Variants in EIF3B observed in about 807,000 individuals in gnomAD.
The protein encoded by EIF3B is eukaryotic translation initiation factor 3 subunit 9.
A neutral mutation model predicts 104.6 loss-of-function variants in EIF3B; 10 were observed. That is an observed-to-expected ratio of 0.10 (90% CI 0.06 to 0.16). EIF3B has a LOEUF of 0.16. Among genes scored for constraint, EIF3B ranks in the 10% least tolerant of loss-of-function variants. The pLI, the probability that EIF3B is intolerant of heterozygous loss-of-function variation, is 1.00. For missense variants in EIF3B, 1,014 were observed against 1,087.9 expected (o/e 0.93, Z 0.96); for synonymous variants, 542 against 417.2 (o/e 1.30, Z -3.65).
chr7:2,363,084 G>T lies in EIF3B; in HGVS notation c.827G>T (p.Ser276Ile), dbSNP rs151282164. 16 of 1,614,122 alleles carry T rather than the reference G, an allele frequency of 9.9e-6. No individual in the cohort carries two copies. In the East Asian group the frequency reaches 2.0e-4, roughly 20 times the overall value. Residue 276 changes from serine (S) to isoleucine (I), a missense_variant, in exon 4 of 19, where the codon AGT (serine) becomes ATT (isoleucine). Coordinates refer to ENST00000360876, the MANE Select transcript of EIF3B (RefSeq NM_001037283.2). ...FTDFDKYMTI[S>I]DEWDIPEKQP... The stretch of plus-strand genomic sequence containing the variant: ...TTCTTCTCCAGGTATATGACGATCA[G>T]TGACGAGTGGGATATTCCAGAGAAA...
chr7:2,376,407 A>T (rs369427948), intron 14 of EIF3B: 1 of 152,124 alleles, frequency 6.6e-6, no homozygotes, highest in East Asian at 1.9e-4. Flanking sequence ...AGCTTCCAAA[A>T]TGCCGGCCTG....
At chr7:2,379,720 C>G (rs528241828) in intron 18 of EIF3B, 1 of 547,606 alleles carries the variant, frequency 1.8e-6, no homozygotes, top group Non-Finnish European at 3.3e-6. Flanking sequence ...TTGCAGATGG[C>G]GCCTTTCAGG....
At chr7:2,357,767 G>C (rs1194081929) in intron 1 of EIF3B, among the ~76,000 whole-genome samples, 1 of 152,136 alleles carries the variant, frequency 6.6e-6, no homozygotes, top group African/African-American at 2.4e-5. Context: ...GTGTCTTCAT[G>C]GTGTAGTTAC....
chr7:2,370,211 C>T lies in EIF3B; in HGVS notation c.1614+529C>T, dbSNP rs941677017. On this transcript the variant is annotated intron_variant, in intron 10 of 18. Coordinates refer to ENST00000360876, the MANE Select transcript of EIF3B (RefSeq NM_001037283.2). ...GCCTGAGTTGGCTGGGTGTAGTGGC[C>T]CATGCCTGTAATCCCAGCACTTTGG... Among the ~76,000 whole-genome samples the T allele has an allele frequency of 4.0e-5, 6 of 151,548 alleles. No homozygotes were observed. In the South Asian group the frequency reaches 6.2e-4, roughly 16 times the overall value.
At position 2,363,718 on chromosome 7, in the gene EIF3B, C is replaced by T; in HGVS notation, c.957C>T (p.Phe319=). ...IFESGDRTSI[F]WNDVKDPVSI... is the part of the protein sequence containing the mutation. ...AGAGTGGAGACCGCACTTCCATATT[C>T]TGGAATGACGTAAAAGACCCTGTCT... Residue 319 remains phenylalanine (F), a synonymous_variant, in exon 5 of 19, where the codon TTC becomes TTT. Coordinates refer to ENST00000360876, the MANE Select transcript of EIF3B (RefSeq NM_001037283.2). 1 of 1,614,120 alleles carries T rather than the reference C, an allele frequency of 6.2e-7. No individual in the cohort carries two copies. Among genetic ancestry groups the T allele is most frequent in the Non-Finnish European group, 8.5e-7 (1 of 1,180,018 alleles).
At chr7:2,374,700 G>T in intron 13 of EIF3B, 94 bp downstream of exon 13, 1 of 1,200,028 alleles carries the variant, frequency 8.3e-7, no homozygotes, top group South Asian at 1.3e-5. Flanking sequence ...TCTTGGTAGA[G>T]AGAGTATTGT....
At chr7:2,358,344 A>G (rs1779562042) in intron 1 of EIF3B, among the ~76,000 whole-genome samples, 4 of 152,032 alleles carry the variant, frequency 2.6e-5, no homozygotes, top group African/African-American at 7.2e-5. Flanking sequence ...TTGGCTTCCA[A>G]AAATGCTGGG....
chr7:2,357,930 A>C (rs1217101474), intron 1 of EIF3B, among the ~76,000 whole-genome samples: 1 of 152,162 alleles, frequency 6.6e-6, no homozygotes, highest in African/African-American at 2.4e-5. Context: ...ATTGTATGGT[A>C]AGTGCTTTAG....
intron 16 of EIF3B, 23 bp downstream of exon 16, chr7:2,378,789 G>T (rs768697753): frequency 1.2e-6 from 2 of 1,603,028 alleles, no homozygotes; most frequent in Non-Finnish European, 1.7e-6. Flanking sequence ...CCCAAAATGA[G>T]GGCTGTGCTG....
rs761229139 is a variant in EIF3B at position 2,367,011 on chromosome 7, T to C, written c.1369T>C (p.Leu457=). The change falls in exon 9 of 19, where the codon TTG becomes CTG. Residue 457 remains leucine, a synonymous_variant. Coordinates refer to ENST00000360876, the MANE Select transcript of EIF3B (RefSeq NM_001037283.2). The part of the protein sequence containing the change: ...SIYETPSMGL[L]DKKSLKISGI... Reference sequence around the variant, plus strand: ...TTTTTTTGGGCAGTCTATGGGTCTTTTGGACAAGAAGAGTTTGAAGATCTC... The same window carrying C: ...TTTTTTTGGGCAGTCTATGGGTCTTCTGGACAAGAAGAGTTTGAAGATCTC... 1 of 1,613,940 alleles carries C rather than the reference T, an allele frequency of 6.2e-7. No individual in the cohort carries two copies. The highest frequency in any genetic ancestry group is 8.5e-7 in the Non-Finnish European group (1 of 1,179,992).
intron 12 of EIF3B, chr7:2,373,020 G>A (rs531075760): frequency 1.1e-5 from 4 of 373,224 alleles, no homozygotes; most frequent in South Asian, 1.1e-4. Flanking sequence ...ACGTTTAAGC[G>A]AGTATTTCCA....
chr7:2,358,015 CTT>C lies in EIF3B; in HGVS notation c.499+2603_499+2604del, dbSNP rs11309464. Among the ~76,000 whole-genome samples the C allele has an allele frequency of 1.2e-3, 177 of 151,836 alleles. 1 individual carries two copies. Among genetic ancestry groups the C allele is most frequent in the African/African-American group, 4.0e-3 (165 of 41,358 alleles). ...CAGTGACTGGCAACTGCCTTTTTCCCTTTTTTTTTCTCTTGTTCGTCTCAATT... is the reference window on the plus strand; with the variant it reads ...CAGTGACTGGCAACTGCCTTTTTCCCTTTTTTTCTCTTGTTCGTCTCAATT... On this transcript the variant is annotated intron_variant, in intron 1 of 18. Coordinates refer to ENST00000360876, the MANE Select transcript of EIF3B (RefSeq NM_001037283.2).
intron 15 of EIF3B, chr7:2,377,952 TTC>T (rs1325918643): frequency 2.5e-5 from 1 of 40,732 alleles, no homozygotes. Context: ...GGATGCCGTG[TTC>T]TGTGAATGAC....
In EIF3B at chr7:2,360,795, G is replaced by A. The variant is rs780069446; in HGVS notation, c.585G>A (p.Val195=). The A allele has an allele frequency of 1.6e-5, 26 of 1,613,674 alleles. No individual in the cohort carries two copies. The highest frequency in any genetic ancestry group is 1.6e-4 in the Middle Eastern group (1 of 6,084). Residue 195 remains valine (V), a synonymous_variant, in exon 2 of 19, where the codon GTG becomes GTA. Coordinates refer to ENST00000360876, the MANE Select transcript of EIF3B (RefSeq NM_001037283.2). ...TTGTAGTGGACAATGTCCCTCAGGT[G>A]GGACCCGACCGACTTGAGAAACTCA... is the stretch of plus-strand genomic sequence containing the variant. ...SVIVVDNVPQ[V]GPDRLEKLKN... is the part of the protein sequence containing the mutation.
rs756669116 is a variant in EIF3B at position 2,380,449 on chromosome 7, C to T, written c.*260C>T. ...TCTGCAGTGGGGGATTTAAGGCACC[C>T]GCTTCCACTTCTTTCTTGTTTGGAG... On this transcript the variant is annotated 3_prime_UTR_variant, in exon 19 of 19. Coordinates refer to ENST00000360876, the MANE Select transcript of EIF3B (RefSeq NM_001037283.2). The T allele has an allele frequency of 2.1e-5, 11 of 512,166 alleles. No individual in the cohort carries two copies. Among genetic ancestry groups the T allele is most frequent in the South Asian group, 4.2e-5 (3 of 70,670 alleles). 31.7% of individuals were successfully genotyped at this position (512,166 alleles called of 1,614,324 possible).
intron 11 of EIF3B, among the ~76,000 whole-genome samples, chr7:2,372,434 G>A (rs1388590861): frequency 2.0e-5 from 3 of 152,176 alleles, no homozygotes; most frequent in Admixed American, 6.5e-5. Context: ...TGCTGTGGGT[G>A]TCCTGCTCTC....
At chr7:2,360,951 G>C in intron 2 of EIF3B, 49 bp downstream of exon 2, 1 of 1,473,574 alleles carries the variant, frequency 6.8e-7, no homozygotes, top group Non-Finnish European at 9.4e-7. Flanking sequence ...GGCACGTCAT[G>C]ATGAGGGAGT....
Position 2,360,875 on chromosome 7 carries a change from A to G in EIF3B, c.665A>G (p.Tyr222Cys). 6.2e-7 allele frequency: 1 copy of G among 1,613,472 alleles called. No individual in the cohort carries two copies. The highest frequency in any genetic ancestry group is 8.5e-7 in the Non-Finnish European group (1 of 1,179,434). Residue 222 changes from tyrosine to cysteine, a missense_variant, in exon 2 of 19, where the codon TAT (tyrosine) becomes TGT (cysteine). Tyr to Cys is a radical substitution (Grantham distance 194). This residue lies in a region of EIF3B where 488 missense variants were observed against 404.3 expected (regional missense o/e 1.21). Transcript: ENST00000360876. ...SKFGKITNDF[Y>C]PEEDGKTKGY... ...TTTGGGAAAATCACAAATGATTTTT[A>G]TCCTGAAGAGGATGGGAAGACAAAA...
intron 2 of EIF3B, 110 bp from the exon 3 acceptor site, chr7:2,362,535 A>T: frequency 7.2e-7 from 1 of 1,387,914 alleles, no homozygotes. Flanking sequence ...GAAGAGCAGC[A>T]CAGATACTCC....
Sources: gnomAD v4.1 joint callset for allele counts (sites outside exome capture counted in the v4.1 genomes callset) on GRCh38, gnomAD v4.1.1 for gene constraint, gnomAD v4.1.1 regional missense constraint, MANE v1.5 for transcripts, NCBI Gene and HGNC (gene_info 2026-07-23, HGNC 2026-07-21) for gene names.